SOX6: variants seen among roughly 807,000 people sequenced by gnomAD.
SOX6 encodes SRY-box transcription factor 6, also known as transcription factor SOX-6.
In SOX6, 11 loss-of-function variants were observed where a neutral mutation model predicts 97.8. The observed-to-expected ratio is 0.11, with a 90% CI of 0.07 to 0.19. The LOEUF (loss-of-function observed/expected upper bound fraction) is 0.19. Ranked by LOEUF, SOX6 falls within the 10% of genes least tolerant of loss-of-function variation. SOX6 has a pLI of 1.00. For missense variants in SOX6, 810 were observed against 1,039.5 expected (o/e 0.78, Z 3.04); for synonymous variants, 360 against 371.4 (o/e 0.97, Z 0.35).
intron 4 of SOX6, among the ~76,000 whole-genome samples, chr11:16,226,071 T>C (rs1852679296): frequency 6.6e-6 from 1 of 152,146 alleles, no homozygotes; most frequent in South Asian, 2.1e-4. Flanking sequence ...CTGTAATAAG[T>C]AACAGTTTTC....
intron 6 of SOX6, among the ~76,000 whole-genome samples, chr11:16,139,231 G>A (rs1367991409): frequency 1.3e-5 from 2 of 151,956 alleles, no homozygotes; most frequent in Admixed American, 6.6e-5. Context: ...GTACTGTGTG[G>A]GGAGATACTT....
At chr11:16,043,622 C>T (rs893829534) in intron 12 of SOX6, among the ~76,000 whole-genome samples, 1 of 152,108 alleles carries the variant, frequency 6.6e-6, no homozygotes, top group Non-Finnish European at 1.5e-5. Context: ...CATCCCTATG[C>T]CTGTTAGTAA....
chr11:16,439,020 A>G (rs1351402174), intron 1 of SOX6, among the ~76,000 whole-genome samples: 1 of 152,220 alleles, frequency 6.6e-6, no homozygotes, highest in Non-Finnish European at 1.5e-5. Context: ...GGCAAGTATA[A>G]GAGAAAGATA....
chr11:16,214,574 G>T (rs1490757747), intron 4 of SOX6, among the ~76,000 whole-genome samples: 1 of 151,990 alleles, frequency 6.6e-6, no homozygotes, highest in African/African-American at 2.4e-5. Context: ...ATTACCCGCT[G>T]CTCCTATACT....
intron 7 of SOX6, among the ~76,000 whole-genome samples, chr11:16,103,492 G>C (rs1359592724): frequency 6.6e-6 from 1 of 151,880 alleles, no homozygotes; most frequent in Non-Finnish European, 1.5e-5. Flanking sequence ...TAGACCTACT[G>C]TTTGATCCAG....
chr11:16,583,638 C>CATATGTATATATATATATATATAT (rs1329710047), intron 4 of SOX6, among the ~76,000 whole-genome samples: 11 of 104,598 alleles, frequency 1.1e-4, no homozygotes, highest in South Asian at 5.8e-4. Flanking sequence ...TATATATATA[C>CATATGTATATATATATATATATAT]ACATACACAC....
intron 7 of SOX6, among the ~76,000 whole-genome samples, chr11:16,106,748 T>A (rs982862785): frequency 3.9e-5 from 6 of 151,970 alleles, no homozygotes; most frequent in African/African-American, 1.4e-4. Context: ...TAAATTGGAC[T>A]CCATCAAAAT....
chr11:16,688,738 T>C lies in SOX6; in HGVS notation n.429+26092A>G, dbSNP rs76563070. On this transcript the variant is annotated intron_variant and non_coding_transcript_variant, in intron 3 of 5. Coordinates refer to the SOX6 transcript ENST00000524520. ...TCATTTTTGGGTAAGTTTCAATTGA[T>C]TGATTGTTTTCTTCCTATTAGGTTG... Among the ~76,000 whole-genome samples the C allele has an allele frequency of 3.3e-4, 51 of 152,356 alleles. No individual in the cohort carries two copies. In the East Asian group the frequency reaches 9.1e-3, roughly 27 times the overall value.
At position 16,459,400 on chromosome 11, in the gene SOX6, G is replaced by T. The variant is rs182577286; in HGVS notation, c.-5+16915C>A. 1.2e-4 allele frequency among the ~76,000 whole-genome samples: 18 copies of T among 152,004 alleles called. 1 individual carries two copies. The highest frequency in any genetic ancestry group is 1.1e-3 in the Admixed American group (17 of 15,248). On this transcript the variant is annotated intron_variant, in intron 1 of 15. Coordinates refer to the SOX6 transcript ENST00000396356. ...AAAAATACTGAGCACTTAAAATCGT[G>T]AAATTTACACTCTCTGGCATCTAAT...
At chr11:16,317,185 T>A (rs1402267816) in intron 3 of SOX6, 1 of 151,476 alleles carries the variant, frequency 6.6e-6, no homozygotes, top group Non-Finnish European at 1.5e-5. Flanking sequence ...GTGCTAATAA[T>A]CTCAATGATC....
intron 12 of SOX6, among the ~76,000 whole-genome samples, chr11:16,024,731 G>A (rs1855167807): frequency 6.6e-6 from 1 of 152,042 alleles, no homozygotes; most frequent in Non-Finnish European, 1.5e-5. Context: ...TATGCCCAGA[G>A]AGAACTGTGC....
At chr11:16,523,861 G>T (rs952669113) in intron 4 of SOX6, among the ~76,000 whole-genome samples, 7 of 152,130 alleles carry the variant, frequency 4.6e-5, no homozygotes, top group Non-Finnish European at 1.0e-4. Flanking sequence ...ACACCTCTAC[G>T]CAAACAAACT....
intron 1 of SOX6, among the ~76,000 whole-genome samples, chr11:16,424,413 T>C (rs954703593): frequency 6.6e-6 from 1 of 152,064 alleles, no homozygotes; most frequent in East Asian, 1.9e-4. Context: ...GATAACAAAC[T>C]GAGACTCAAA....
At chr11:16,725,821 T>C (rs994195658) in intron 2 of SOX6, among the ~76,000 whole-genome samples, 2 of 152,206 alleles carry the variant, frequency 1.3e-5, no homozygotes, top group African/African-American at 4.8e-5. Flanking sequence ...ATAGATGTTA[T>C]AGTATTACTA....
intron 7 of SOX6, among the ~76,000 whole-genome samples, chr11:16,109,780 G>A (rs992731305): frequency 6.6e-6 from 1 of 152,168 alleles, no homozygotes; most frequent in Non-Finnish European, 1.5e-5. Flanking sequence ...TAATGAAATT[G>A]TCTGACATAA....
chr11:16,013,699 C>G (rs1006490502), intron 13 of SOX6, among the ~76,000 whole-genome samples: 2 of 151,554 alleles, frequency 1.3e-5, no homozygotes, highest in African/African-American at 4.8e-5. Flanking sequence ...ATTTTAACAC[C>G]TGGTCTCCCA....
chr11:16,017,723 T>G (rs1009922401), intron 12 of SOX6, among the ~76,000 whole-genome samples: 24 of 152,056 alleles, frequency 1.6e-4, no homozygotes, highest in African/African-American at 5.5e-4. Flanking sequence ...CCAACAAGCT[T>G]AAACTTCTGT....
chr11:16,347,133 G>C (rs1326568219), intron 1 of SOX6, among the ~76,000 whole-genome samples: 5 of 152,006 alleles, frequency 3.3e-5, no homozygotes, highest in African/African-American at 1.2e-4. Flanking sequence ...CTGTCTAATT[G>C]GTTAGTATCT....
chr11:16,630,577 G>A (rs1848692058), intron 3 of SOX6, among the ~76,000 whole-genome samples: 1 of 152,078 alleles, frequency 6.6e-6, no homozygotes, highest in Non-Finnish European at 1.5e-5. Context: ...GTTGATGGGT[G>A]GATTGTTCTG....
Sources: gnomAD v4.1 joint callset for allele counts (sites outside exome capture counted in the v4.1 genomes callset) on GRCh38, gnomAD v4.1.1 for gene constraint, MANE v1.5 for transcripts, NCBI Gene and HGNC (gene_info 2026-07-23, HGNC 2026-07-21) for gene names.